PRKN: variants seen among roughly 807,000 people sequenced by gnomAD.
PRKN encodes the protein parkin RBR E3 ubiquitin protein ligase, also known as E3 ubiquitin-protein ligase parkin.
In PRKN, 56 loss-of-function variants were observed where a neutral mutation model predicts 59.5. The ratio of observed to expected loss-of-function variants is 0.94; its 90% confidence interval spans 0.76 to 1.18. The LOEUF is 1.18. Ranked by LOEUF, PRKN falls within the 50% of genes most tolerant of loss-of-function variation. The pLI, the probability that PRKN is intolerant of heterozygous loss-of-function variation, is 0.00. For synonymous variants in PRKN, 250 were observed against 222.1 expected (o/e 1.13, Z -1.12); for missense variants, 657 against 596.4 (o/e 1.10, Z -1.06).
chr6:162,000,380 TA>T (rs565745972), intron 5 of PRKN, among the ~76,000 whole-genome samples: 1 of 152,258 alleles, frequency 6.6e-6, no homozygotes, highest in African/African-American at 2.4e-5. Flanking sequence ...TTTGTTTTTT[TA>T]AATTTTAATT....
At chr6:162,091,301 GAC>G (rs985301057) in intron 4 of PRKN, among the ~76,000 whole-genome samples, 2 of 152,068 alleles carry the variant, frequency 1.3e-5, no homozygotes, top group African/African-American at 4.8e-5. Context: ...CCTACAAAAA[GAC>G]AGAAATGAGC....
rs17573347 is a variant in PRKN, at chr6:161,560,257, T to A, written c.933+9098A>T. On this transcript the variant is annotated intron_variant, in intron 8 of 11. Transcript: ENST00000366898. The surrounding 1 kb of genome is among the most constrained non-coding windows in gnomAD (Gnocchi z 4.9). Reference sequence around the variant, plus strand: ...GTTTCCCTGTCCACACTGACTTAACTGAAACTGATCCATCTCCCTTGCAAC... The same window carrying A: ...GTTTCCCTGTCCACACTGACTTAACAGAAACTGATCCATCTCCCTTGCAAC... 1.3e-5 allele frequency among the ~76,000 whole-genome samples: 2 copies of A among 152,158 alleles called. No individual in the cohort carries two copies. The highest frequency in any genetic ancestry group is 2.9e-5 in the Non-Finnish European group (2 of 68,036).
chr6:162,266,122 T>C (rs1180016582), intron 2 of PRKN, among the ~76,000 whole-genome samples: 1 of 152,144 alleles, frequency 6.6e-6, no homozygotes, highest in Non-Finnish European at 1.5e-5. Context: ...CCCTAGCCTA[T>C]CTTGAGGTTT....
At chr6:162,272,588 C>G (rs912511118) in intron 2 of PRKN, among the ~76,000 whole-genome samples, 1 of 152,020 alleles carries the variant, frequency 6.6e-6, no homozygotes, top group East Asian at 1.9e-4. Flanking sequence ...GAACCACATG[C>G]GAGTTTATGC....
At chr6:162,526,077 A>C (rs929544927) in intron 1 of PRKN, among the ~76,000 whole-genome samples, 4 of 152,096 alleles carry the variant, frequency 2.6e-5, no homozygotes, top group Admixed American at 2.6e-4. Context: ...TCTGAGGCTC[A>C]AGCGATCCGC....
Position 161,348,878 on chromosome 6 carries a change from T to A in PRKN, c.*1221A>T, listed in dbSNP as rs1222470554. ...AGTGTTGTTAATCTTTTGATTGTGT[T>A]GTGAATGGCTGAAAAAAAAGCTGAA... On this transcript the variant is annotated 3_prime_UTR_variant, in exon 12 of 12. Transcript: ENST00000366898. This position sits in a 1 kb window ranked among gnomAD's most constrained non-coding sequence, Gnocchi z 4.9. 4.9e-6 allele frequency: 1 copy of A among 205,548 alleles called. No individual in the cohort carries two copies. Among genetic ancestry groups the A allele is most frequent in the Non-Finnish European group, 9.9e-6 (1 of 100,610 alleles). 12.7% of individuals were successfully genotyped at this position (205,548 alleles called of 1,614,324 possible). A position where few individuals can be genotyped will look rare whatever the true frequency, so the allele number is the denominator to read the frequency against.
At chr6:162,012,873 C>G (rs1015675815) in intron 5 of PRKN, among the ~76,000 whole-genome samples, 3 of 152,096 alleles carry the variant, frequency 2.0e-5, no homozygotes, top group African/African-American at 7.2e-5. Context: ...CACATGCTAT[C>G]GTTTGTCCCA....
At chr6:161,684,730 T>G (rs1378693335) in intron 7 of PRKN, among the ~76,000 whole-genome samples, 1 of 150,648 alleles carries the variant, frequency 6.6e-6, no homozygotes, top group East Asian at 1.9e-4. Flanking sequence ...GTTACAATGA[T>G]AAAACAACAA....
chr6:161,935,928 C>T (rs1364573363), intron 6 of PRKN, among the ~76,000 whole-genome samples: 1 of 152,160 alleles, frequency 6.6e-6, no homozygotes, highest in African/African-American at 2.4e-5. Flanking sequence ...GTGTAATTTA[C>T]ACAATTCTGA....
intron 1 of PRKN, among the ~76,000 whole-genome samples, chr6:162,547,099 G>C (rs1779151127): frequency 6.6e-6 from 1 of 152,106 alleles, no homozygotes; most frequent in Non-Finnish European, 1.5e-5. Context: ...GGTAGCATAT[G>C]CTGAATTTCC....
chr6:161,633,367 A>G (rs1783387553), intron 7 of PRKN, among the ~76,000 whole-genome samples: 1 of 152,228 alleles, frequency 6.6e-6, no homozygotes, highest in Non-Finnish European at 1.5e-5. Context: ...TGTTCCAAAG[A>G]GTCTACTTCA....
chr6:162,163,785 C>T (rs1782860230), intron 4 of PRKN, among the ~76,000 whole-genome samples: 2 of 142,880 alleles, frequency 1.4e-5, no homozygotes, highest in African/African-American at 5.5e-5. Context: ...CATTTATATC[C>T]ATGCTGCAAT....
intron 1 of PRKN, among the ~76,000 whole-genome samples, chr6:162,683,425 T>G (rs1779845686): frequency 6.6e-6 from 1 of 152,256 alleles, no homozygotes. Flanking sequence ...AAGGAAAGGA[T>G]AATTCATAAG....
intron 10 of PRKN, among the ~76,000 whole-genome samples, chr6:161,383,541 C>G (rs1786089670): frequency 6.6e-6 from 1 of 152,190 alleles, no homozygotes; most frequent in Admixed American, 6.5e-5. Flanking sequence ...GGCAAGATGT[C>G]CATGCTCACT....
chr6:161,640,987 G>A (rs1424527166), intron 7 of PRKN, among the ~76,000 whole-genome samples: 1 of 152,214 alleles, frequency 6.6e-6, no homozygotes, highest in Non-Finnish European at 1.5e-5. Context: ...CCACCTTTGC[G>A]AAAGTATAAC....
intron 5 of PRKN, among the ~76,000 whole-genome samples, chr6:162,050,888 C>T (rs1443136072): frequency 6.6e-6 from 1 of 152,116 alleles, no homozygotes; most frequent in East Asian, 1.9e-4. Flanking sequence ...ACAGCAAGGA[C>T]TCGAATCCAG....
At chr6:162,327,256 T>A (rs1211987004) in intron 2 of PRKN, among the ~76,000 whole-genome samples, 1 of 152,218 alleles carries the variant, frequency 6.6e-6, no homozygotes, top group Non-Finnish European at 1.5e-5. Context: ...ACGGTGATTT[T>A]CCATCCACTC....
intron 6 of PRKN, among the ~76,000 whole-genome samples, chr6:161,893,931 C>A (rs1032258712): frequency 6.6e-6 from 1 of 152,150 alleles, no homozygotes; most frequent in African/African-American, 2.4e-5. Context: ...TTTTGGCACA[C>A]GATTTGTCAC....
At chr6:162,431,073 C>T (rs544316892) in intron 2 of PRKN, among the ~76,000 whole-genome samples, 3 of 151,916 alleles carry the variant, frequency 2.0e-5, no homozygotes, top group African/African-American at 4.8e-5. Context: ...TTAAAAAAAA[C>T]AGGGCTGGCA....
Sources: allele counts gnomAD v4.1 joint callset (sites outside exome capture counted in the v4.1 genomes callset), GRCh38; gene constraint gnomAD v4.1.1; non-coding constraint Gnocchi (gnomAD v3.1); transcripts MANE v1.5; gene names NCBI Gene and HGNC (gene_info 2026-07-23, HGNC 2026-07-21).